The following PKD1 variants were observed in gnomAD, a reference collection of about 807,000 sequenced individuals.
PKD1 encodes polycystin 1, transient receptor potential channel interacting.
PKD1 carries 81 observed loss-of-function variants against 361.7 expected under a neutral mutation model. The observed-to-expected ratio is 0.22, with a 90% CI of 0.19 to 0.27. The LOEUF (loss-of-function observed/expected upper bound fraction) is 0.27. Ranked by LOEUF, PKD1 falls within the 10% of genes least tolerant of loss-of-function variation. PKD1 has a pLI of 1.00. For missense variants in PKD1, 6,399 were observed against 6,118.3 expected, an observed-to-expected ratio of 1.05 and a Z score of -1.53; for synonymous variants, 3,615 against 2,818.3, an observed-to-expected ratio of 1.28 and a Z score of -8.95.
rs574582800 is a variant in PKD1 at position 2,124,686 on chromosome 16, C to T, written c.216-5308G>A. 5.9e-5 allele frequency among the ~76,000 whole-genome samples: 9 copies of T among 152,308 alleles called. No homozygotes were observed. The East Asian group carries it at 9.6e-4, about 16-fold the overall frequency. On this transcript the variant is annotated intron_variant, in intron 1 of 45. Transcript: ENST00000262304. ...TGCTGAGTGGGGTCTGGGGGCCGGA[C>T]GGAGCCCCCAAAGAAACATCTGCAC...
rs994900237 is a variant in PKD1 at position 2,102,197 on chromosome 16, G to A, written c.9261C>T (p.Thr3087=). 2.0e-6 allele frequency: 3 copies of A among 1,512,436 alleles called. No homozygotes were observed. Among genetic ancestry groups the A allele is most frequent in the Non-Finnish European group, 2.7e-6 (3 of 1,097,248 alleles). 93.7% of individuals were successfully genotyped at this position (1,512,436 alleles called of 1,614,324 possible). The stretch of plus-strand genomic sequence containing the variant: ...GCAGGATGGCGGCCATGACCATGTA[G>A]GTCACCAGGCACACAGCACATGTCA... ...VMLTCAVCLV[T]YMVMAAILHK... Residue 3087 remains threonine, a synonymous_variant, in exon 26 of 46, where the codon ACC becomes ACT. Coordinates refer to ENST00000262304, the MANE Select transcript of PKD1 (RefSeq NM_001009944.3).
At chr16:2,133,621 G>T (rs1596632305) in intron 1 of PKD1, among the ~76,000 whole-genome samples, 1 of 152,158 alleles carries the variant, frequency 6.6e-6, no homozygotes, top group East Asian at 1.9e-4. Context: ...GGCCAGCCAG[G>T]GCCTTCACAT....
Position 2,091,018 on chromosome 16 carries a change from C to G in PKD1, c.11869G>C (p.Gly3957Arg), listed in dbSNP as rs1239233980. Residue 3957 changes from glycine to arginine, a missense_variant, in exon 43 of 46, where the codon GGT (glycine) becomes CGT (arginine). Transcript: ENST00000262304. ...CGGGTCCACTGGCGGTCAGCGGCAC[C>G]CAGCTGGGCGAGGCGTACCAGTGCC... is the stretch of plus-strand genomic sequence containing the variant. Reference protein sequence around the residue: ...ATALVRLAQLGAADRQWTRFV... With the variant: ...ATALVRLAQLRAADRQWTRFV... The G allele has an allele frequency of 6.5e-7, 1 of 1,533,128 alleles. No homozygotes were observed. Among genetic ancestry groups the G allele is most frequent in the South Asian group, 1.2e-5 (1 of 84,044 alleles). The allele number at this position is 1,533,128 out of a possible 1,614,324, so 95.0% of individuals were successfully genotyped here. A position where few individuals can be genotyped will look rare whatever the true frequency, so the allele number is the denominator to read the frequency against.
At chr16:2,133,704 G>A (rs1320609265) in intron 1 of PKD1, among the ~76,000 whole-genome samples, 3 of 151,984 alleles carry the variant, frequency 2.0e-5, no homozygotes, top group African/African-American at 7.3e-5. Context: ...GCGGCCCCAG[G>A]TGTGTACAGA....
intron 1 of PKD1, among the ~76,000 whole-genome samples, chr16:2,121,862 CA>C: frequency 6.6e-6 from 1 of 152,350 alleles, no homozygotes; most frequent in East Asian, 1.9e-4. Flanking sequence ...ACGAGTGACC[CA>C]GCAGGTGCCT....
intron 38 of PKD1, 92 bp from the exon 39 acceptor site, chr16:2,092,684 A>G (rs770839528): frequency 6.2e-6 from 6 of 972,478 alleles, no homozygotes; most frequent in Non-Finnish European, 8.0e-6. Context: ...CATGGCTCCC[A>G]CTGCCCTGCT....
Position 2,090,899 on chromosome 16 carries a change from G to GA in PKD1, c.11987dup (p.Leu3997ProfsTer160). 6.3e-7 allele frequency: 1 copy of GA among 1,599,152 alleles called. No individual in the cohort carries two copies. Among genetic ancestry groups the GA allele is most frequent in the Non-Finnish European group, 8.5e-7 (1 of 1,178,324 alleles). On this transcript the variant is annotated frameshift_variant, in exon 43 of 46. Transcript: ENST00000262304. LOFTEE classifies it high-confidence loss of function. ...CAGCCCTCACCTTGACCAAAAGCAGGAAGAGCAGCGAGGCCGCCAGGCCAC... is the reference window on the plus strand; with the variant it reads ...CAGCCCTCACCTTGACCAAAAGCAGGAAAGAGCAGCGAGGCCGCCAGGCCAC...
Position 2,106,585 on chromosome 16 carries a change from C to T in PKD1, c.7302G>A (p.Arg2434=), listed in dbSNP as rs772291378. 2.5e-6 allele frequency: 4 copies of T among 1,597,722 alleles called. No individual in the cohort carries two copies. Among genetic ancestry groups the T allele is most frequent in the Non-Finnish European group, 3.4e-6 (4 of 1,179,128 alleles). The change falls in exon 18 of 46, where the codon CGG becomes CGA. Residue 2434 remains arginine, a synonymous_variant. Coordinates refer to ENST00000262304, the MANE Select transcript of PKD1 (RefSeq NM_001009944.3). The surrounding 1 kb of genome is among the most constrained non-coding windows in gnomAD (Gnocchi z 6.5). Reference sequence around the variant, plus strand: ...CCTCGCCGTCCCGCAGCACGCCCCGCCGCAGCACCAGTCGCATGCCTGCAC... The same window carrying T: ...CCTCGCCGTCCCGCAGCACGCCCCGTCGCAGCACCAGTCGCATGCCTGCAC... The part of the protein sequence containing the change: ...TGSAGMRLVL[R]RGVLRDGEGY...
Position 2,093,021 on chromosome 16 carries a change from G to GCCCATGGCATGAGGCATC in PKD1, c.11071_11088dup (p.Asp3691_Gly3696dup). On this transcript the variant is annotated inframe_insertion, in exon 38 of 46. Coordinates refer to ENST00000262304, the MANE Select transcript of PKD1 (RefSeq NM_001009944.3). ...ATGGCGCTTTGCAGACGGTAGGCGT[G>GCCCATGGCATGAGGCATC]CCCATGGCATGAGGCATCCCCATAG... The GCCCATGGCATGAGGCATC allele has an allele frequency of 6.2e-7, 1 of 1,612,922 alleles. No homozygotes were observed. The highest frequency in any genetic ancestry group is 8.5e-7 in the Non-Finnish European group (1 of 1,179,976).
At chr16:2,129,541 ATTTTTTTTTTTTT>A (rs71148122) in intron 1 of PKD1, among the ~76,000 whole-genome samples, 3 of 72,098 alleles carry the variant, frequency 4.2e-5, no homozygotes, top group African/African-American at 2.2e-4. Flanking sequence ...AGATCCTGTG[ATTTTTTTTTTTTT>A]TTTTTTTTTT....
intron 20 of PKD1, 118 bp from the exon 21 acceptor site, chr16:2,105,592 C>A (rs1033160718): frequency 1.3e-6 from 2 of 1,588,932 alleles, no homozygotes; most frequent in South Asian, 1.1e-5. Context: ...GATGCGGGCA[C>A]TGACCCACAA....
chr16:2,111,355 G>C lies in PKD1; in HGVS notation c.3812C>G (p.Thr1271Arg). 1.9e-6 allele frequency: 3 copies of C among 1,610,352 alleles called. No individual in the cohort carries two copies. The highest frequency in any genetic ancestry group is 1.7e-5 in the Admixed American group (1 of 59,948). Residue 1271 changes from threonine to arginine, a missense_variant, in exon 15 of 46, where the codon ACA becomes AGA. Thr to Arg is a moderately conservative substitution (Grantham distance 71). Coordinates refer to ENST00000262304, the MANE Select transcript of PKD1 (RefSeq NM_001009944.3). The part of the protein sequence containing the change: ...EHVYLRAQNC[T>R]VTVGAASPAG... ...GGGGCTGGCCGCACCCACGGTCACT[G>C]TGCAGTTCTGTGCCCGCAGGTACAC...
Position 2,106,732 on chromosome 16 carries a change from T to C in PKD1, c.7210-55A>G. 6.6e-7 allele frequency: 1 copy of C among 1,526,260 alleles called. No individual in the cohort carries two copies. The highest frequency in any genetic ancestry group is 8.9e-7 in the Non-Finnish European group (1 of 1,125,210). 94.5% of individuals were successfully genotyped at this position (1,526,260 alleles called of 1,614,324 possible). A position where few individuals can be genotyped will look rare whatever the true frequency, so the allele number is the denominator to read the frequency against. On this transcript the variant is annotated intron_variant, in intron 17 of 45. Transcript: ENST00000262304. The surrounding 1 kb of genome is among the most constrained non-coding windows in gnomAD (Gnocchi z 6.5). Reference sequence around the variant, plus strand: ...CAACCCTCTGCCCTGTCAGCCCCACTTCTGCCTGCAGGCCCCGTCCCCTCG... The same window carrying C: ...CAACCCTCTGCCCTGTCAGCCCCACCTCTGCCTGCAGGCCCCGTCCCCTCG...
At chr16:2,124,009 G>A (rs536840102) in intron 1 of PKD1, among the ~76,000 whole-genome samples, 8 of 152,332 alleles carry the variant, frequency 5.3e-5, no homozygotes, top group East Asian at 3.9e-4. Context: ...CCATCCTAGC[G>A]TGGGACCCAG....
At chr16:2,122,384 A>C (rs1023880022) in intron 1 of PKD1, among the ~76,000 whole-genome samples, 6 of 152,174 alleles carry the variant, frequency 3.9e-5, no homozygotes, top group African/African-American at 1.2e-4. Context: ...CCAGGCACAC[A>C]GGGAACGGCC....
intron 30 of PKD1, 57 bp from the exon 31 acceptor site, chr16:2,098,041 A>T: frequency 1.1e-6 from 1 of 880,652 alleles, no homozygotes; most frequent in Non-Finnish European, 1.9e-6. Flanking sequence ...CAGGACAGGG[A>T]TGAGAAGCCA....
chr16:2,108,453 G>A lies in PKD1; in HGVS notation c.6714C>T (p.Asp2238=). Residue 2238 remains aspartate (D), a synonymous_variant, in exon 15 of 46, where the codon GAC becomes GAT. Transcript: ENST00000262304. ...YCFVFVVSFG[D]TPLTQSIQAN... ...CCTGGATGCTCTGTGTCAGTGGCGT[G>A]TCCCCAAATGACACGACAAACACAA... 1 of 1,610,450 alleles carries A rather than the reference G, an allele frequency of 6.2e-7. No individual in the cohort carries two copies. The highest frequency in any genetic ancestry group is 8.5e-7 in the Non-Finnish European group (1 of 1,179,666).
Position 2,100,357 on chromosome 16 carries a change from G to A in PKD1, c.9568+39C>T, listed in dbSNP as rs376849723. On this transcript the variant is annotated intron_variant, in intron 27 of 45. Coordinates refer to ENST00000262304, the MANE Select transcript of PKD1 (RefSeq NM_001009944.3). This position sits in a 1 kb window ranked among gnomAD's most constrained non-coding sequence, Gnocchi z 4.4. ...TCAGGCTCGCAGGGCGCCCCAATGC[G>A]GGGGCAGAGGGGCAGAGCTTGGCAG... The A allele has an allele frequency of 1.9e-5, 30 of 1,609,650 alleles. No homozygotes were observed. The African/African-American group carries it at 2.1e-4, about 11-fold the overall frequency.
chr16:2,117,190 C>A (rs2092651706), intron 6 of PKD1, 137 bp from the exon 7 acceptor site: 3 of 644,078 alleles, frequency 4.7e-6, no homozygotes, highest in South Asian at 3.8e-5. Context: ...GAGACCAGGG[C>A]CCACCAGCCC....
Sources: gnomAD v4.1 joint callset for allele counts (sites outside exome capture counted in the v4.1 genomes callset) on GRCh38, gnomAD v4.1.1 for gene constraint, Gnocchi (gnomAD v3.1) non-coding constraint, MANE v1.5 for transcripts, NCBI Gene and HGNC (gene_info 2026-07-23, HGNC 2026-07-21) for gene names.